Variants in TADA2A observed in about 807,000 individuals in gnomAD.
TADA2A encodes the protein transcriptional adapter 2-alpha.
In TADA2A, 38 loss-of-function variants were observed where a neutral mutation model predicts 67.4. The ratio of observed to expected loss-of-function variants is 0.56; its 90% CI spans 0.44 to 0.74. The LOEUF (loss-of-function observed/expected upper bound fraction) is 0.74. Among genes scored for constraint, TADA2A ranks in the 30% least tolerant of loss-of-function variants. TADA2A has a pLI of 0.00. For missense variants in TADA2A, 454 were observed against 547.0 expected, an observed-to-expected ratio of 0.83 and a Z score of 1.70; for synonymous variants, 192 against 181.6, an observed-to-expected ratio of 1.06 and a Z score of -0.46.
chr17:37,473,234 A>G lies in TADA2A; in HGVS notation c.1073-1322A>G, dbSNP rs145173424. Reference sequence around the variant, plus strand: ...GTGATCCTCCTGCTTCAGCCTCCCAAAGTGCTCAGATTACAGGTGTGAGCC... The same window carrying G: ...GTGATCCTCCTGCTTCAGCCTCCCAGAGTGCTCAGATTACAGGTGTGAGCC... On this transcript the variant is annotated intron_variant, in intron 14 of 15. Coordinates refer to ENST00000615182, the MANE Select transcript of TADA2A (RefSeq NM_001166105.3). 6.2e-3 allele frequency among the ~76,000 whole-genome samples: 919 copies of G among 149,100 alleles called. 8 individuals are homozygous for G. The highest frequency in any genetic ancestry group is 0.02 in the African/African-American group (799 of 40,470).
intron 14 of TADA2A, among the ~76,000 whole-genome samples, chr17:37,473,589 C>T (rs977518575): frequency 6.6e-6 from 1 of 152,166 alleles, no homozygotes; most frequent in Non-Finnish European, 1.5e-5. Flanking sequence ...TATAAAACTT[C>T]GACATTTTCT....
intron 13 of TADA2A, 27 bp downstream of exon 13, chr17:37,470,559 G>A: frequency 6.7e-7 from 1 of 1,494,712 alleles, no homozygotes; most frequent in South Asian, 1.4e-5. Flanking sequence ...GGGTGAAGGA[G>A]GCATTCTTTC....
chr17:37,442,570 A>G lies in TADA2A; in HGVS notation c.449A>G (p.Asp150Gly). The G allele has an allele frequency of 6.2e-7, 1 of 1,613,442 alleles. No individual in the cohort carries two copies. Among genetic ancestry groups the G allele is most frequent in the Non-Finnish European group, 8.5e-7 (1 of 1,179,762 alleles). ...ADTAIPFHST[D>G]DPPRPTFDSL... ...ACCTTCTAAATTCTTCCAGCTACAG[A>G]TGACCCTCCCCGACCTACCTTTGAC... is the stretch of plus-strand genomic sequence containing the variant. Residue 150 changes from aspartate to glycine, a missense_variant, in exon 7 of 16, where the codon GAT (aspartate) becomes GGT (glycine). Asp to Gly is a moderately conservative substitution (Grantham distance 94, BLOSUM62 -1). Coordinates refer to ENST00000615182, the MANE Select transcript of TADA2A (RefSeq NM_001166105.3).
chr17:37,455,360 GTTTT>G (rs200259395), intron 8 of TADA2A, among the ~76,000 whole-genome samples: 13 of 129,492 alleles, frequency 1.0e-4, no homozygotes, highest in African/African-American at 1.5e-4. Context: ...TCTGAAGTTT[GTTTT>G]TTTGTTTGTT....
At chr17:37,418,349 T>G (rs2052116559) in intron 2 of TADA2A, among the ~76,000 whole-genome samples, 2 of 152,134 alleles carry the variant, frequency 1.3e-5, no homozygotes. Context: ...GAATCCCTGT[T>G]TTAGGGGCCT....
At chr17:37,431,512 T>G (rs553129496) in intron 4 of TADA2A, among the ~76,000 whole-genome samples, 1 of 152,180 alleles carries the variant, frequency 6.6e-6, no homozygotes, top group South Asian at 2.1e-4. Context: ...CATCACTAAC[T>G]CTTAAAATTA....
intron 2 of TADA2A, 77 bp downstream of exon 2, chr17:37,411,467 GGC>G: frequency 7.1e-7 from 1 of 1,399,844 alleles, no homozygotes; most frequent in African/African-American, 1.4e-5. Flanking sequence ...CTGTTGCCCA[GGC>G]TGGGGTACAG....
At chr17:37,413,434 G>A (rs968005948) in intron 2 of TADA2A, among the ~76,000 whole-genome samples, 1 of 152,176 alleles carries the variant, frequency 6.6e-6, no homozygotes, top group Non-Finnish European at 1.5e-5. Context: ...GCAAGAATAA[G>A]AATACAAACA....
chr17:37,429,589 A>T (rs962269042), intron 4 of TADA2A, among the ~76,000 whole-genome samples: 1 of 152,130 alleles, frequency 6.6e-6, no homozygotes, highest in African/African-American at 2.4e-5. Context: ...GCCAGAGAAC[A>T]TCTTTAGAAT....
intron 1 of TADA2A, among the ~76,000 whole-genome samples, chr17:37,409,068 A>G (rs767786617): frequency 1.6e-4 from 25 of 152,160 alleles, no homozygotes; most frequent in Non-Finnish European, 2.5e-4. Context: ...GGTATCCGAT[A>G]TAGTCTCTGC....
intron 2 of TADA2A, among the ~76,000 whole-genome samples, chr17:37,419,925 G>T (rs1294869970): frequency 6.9e-6 from 1 of 145,804 alleles, no homozygotes; most frequent in Admixed American, 6.9e-5. Flanking sequence ...TGAGGGAGAA[G>T]AATCGCCTGA....
In TADA2A at chr17:37,441,784, A is replaced by C. The variant is rs146824210; in HGVS notation, c.443-780A>C. ...AGGGTTCAAACGATTCTCGTGCCTC[A>C]GCCTCCTGAGTAGCTGGTACCACAG... On this transcript the variant is annotated intron_variant, in intron 6 of 15. Coordinates refer to ENST00000615182, the MANE Select transcript of TADA2A (RefSeq NM_001166105.3). Among the ~76,000 whole-genome samples the C allele has an allele frequency of 6.3e-3, 962 of 151,692 alleles. 4 individuals carry two copies. Among genetic ancestry groups the C allele is most frequent in the Non-Finnish European group, 0.01 (683 of 67,960 alleles).
chr17:37,423,466 G>A (rs764462419), intron 2 of TADA2A, 43 bp from the exon 3 acceptor site: 32 of 1,461,946 alleles, frequency 2.2e-5, no homozygotes, highest in Admixed American at 1.4e-4. Context: ...TAAGATAACC[G>A]TAAGGTGGTC....
chr17:37,451,174 C>T (rs1016751771), intron 8 of TADA2A, among the ~76,000 whole-genome samples: 2 of 152,090 alleles, frequency 1.3e-5, no homozygotes, highest in African/African-American at 4.8e-5. Flanking sequence ...ACAACAGGCA[C>T]ACGCCACCAC....
At chr17:37,476,217 C>T (rs2148055754) in intron 15 of TADA2A, among the ~76,000 whole-genome samples, 1 of 152,302 alleles carries the variant, frequency 6.6e-6, no homozygotes, top group Admixed American at 6.5e-5. Flanking sequence ...ATGGTGACCT[C>T]AGACTCCTCA....
At position 37,479,286 on chromosome 17, in the gene TADA2A, G is replaced by T. The variant is rs1393787724; in HGVS notation, c.*2304G>T. On this transcript the variant is annotated 3_prime_UTR_variant, in exon 16 of 16. Coordinates refer to ENST00000615182, the MANE Select transcript of TADA2A (RefSeq NM_001166105.3). ...TGGCTAGAACACAAGGGGCAGCTGG[G>T]TAGTTAGGAGTGGGAGGATGGTAGG... The T allele has an allele frequency of 6.6e-6, 1 of 152,296 alleles. No individual in the cohort carries two copies. The highest frequency in any genetic ancestry group is 1.5e-5 in the Non-Finnish European group (1 of 68,048). 9.4% of individuals were successfully genotyped at this position (152,296 alleles called of 1,614,324 possible). A position where few individuals can be genotyped will look rare whatever the true frequency, so the allele number is the denominator to read the frequency against.
rs1374024134 is a variant in TADA2A, at chr17:37,479,684, T to C, written c.*2702T>C. On this transcript the variant is annotated 3_prime_UTR_variant, in exon 16 of 16. Transcript: ENST00000615182. ...TTCTGCTGGAGTTTTATGCATATTT[T>C]TCTCTCTAAGTGGTGGGAAATAAAG... is the stretch of plus-strand genomic sequence containing the variant. 1.1e-4 allele frequency: 16 copies of C among 152,218 alleles called. No individual in the cohort carries two copies. Among genetic ancestry groups the C allele is most frequent in the Admixed American group, 1.0e-3 (16 of 15,278 alleles). The allele number at this position is 152,218 out of a possible 1,614,324, so 9.4% of individuals were successfully genotyped here.
chr17:37,431,495 GTT>G (rs2052566080), intron 4 of TADA2A, among the ~76,000 whole-genome samples: 1 of 151,824 alleles, frequency 6.6e-6, no homozygotes, highest in Non-Finnish European at 1.5e-5. Flanking sequence ...ATAAATTTCC[GTT>G]TACCCATCAC....
chr17:37,452,334 T>A (rs933094437), intron 8 of TADA2A, among the ~76,000 whole-genome samples: 2 of 151,330 alleles, frequency 1.3e-5, no homozygotes, highest in African/African-American at 4.9e-5. Flanking sequence ...ACCTGGGAGG[T>A]GGAGGTTGCA....
Sources: gnomAD v4.1 joint callset for allele counts (sites outside exome capture counted in the v4.1 genomes callset) on GRCh38, gnomAD v4.1.1 for gene constraint, MANE v1.5 for transcripts, NCBI Gene and HGNC (gene_info 2026-07-23, HGNC 2026-07-21) for gene names.